Variants in GPC3 observed in about 807,000 individuals in gnomAD.
The protein encoded by GPC3 is glypican 3.
GPC3 carries 3 observed loss-of-function variants against 34.4 expected under a neutral mutation model. The observed-to-expected ratio is 0.09, with a 90% confidence interval of 0.04 to 0.23. The LOEUF is 0.23. GPC3 is among the 10% of genes least tolerant of loss of function. The pLI is 1.00. For synonymous variants in GPC3, 177 were observed against 174.0 expected, an observed-to-expected ratio of 1.02 and a Z score of -0.13; for missense variants, 351 against 445.6, an observed-to-expected ratio of 0.79 and a Z score of 1.91.
At chrX:133,539,451 A>G (rs767252524) in intron 7 of GPC3, among the ~76,000 whole-genome samples, 1 of 112,743 alleles carries the variant, frequency 8.9e-6, no homozygotes, top group African/African-American at 3.2e-5. Flanking sequence ...CACTGTTTGC[A>G]CATAAAATTG....
At chrX:133,623,896 C>T (rs1299421356) in intron 6 of GPC3, among the ~76,000 whole-genome samples, 2 of 111,491 alleles carry the variant, frequency 1.8e-5, no homozygotes, top group Non-Finnish European at 3.8e-5. Context: ...CAAAATTGAC[C>T]ACATAGTTGG....
chrX:133,783,868 C>A (rs945498204), intron 2 of GPC3, among the ~76,000 whole-genome samples: 1 of 111,818 alleles, frequency 8.9e-6, no homozygotes, highest in African/African-American at 3.3e-5. Context: ...AAGGAGAAAA[C>A]CTGATGTTGA....
chrX:133,755,250 C>A (rs1254773939), intron 2 of GPC3, among the ~76,000 whole-genome samples: 1 of 111,998 alleles, frequency 8.9e-6, no homozygotes, highest in Admixed American at 9.5e-5. Context: ...AGGTCCATGA[C>A]AGATGTACTC....
intron 6 of GPC3, among the ~76,000 whole-genome samples, chrX:133,599,456 T>C (rs2069955998): frequency 8.9e-6 from 1 of 111,941 alleles, no homozygotes; most frequent in African/African-American, 3.2e-5. Context: ...AGAGTTGTAC[T>C]TGCCACTGCT....
intron 2 of GPC3, among the ~76,000 whole-genome samples, chrX:133,836,939 C>T (rs908241109): frequency 6.3e-5 from 7 of 111,588 alleles, no homozygotes; most frequent in African/African-American, 2.3e-4. Context: ...TGAGTGACTT[C>T]GTTCTGGAAT....
At chrX:133,715,091 C>T (rs2071302238) in intron 3 of GPC3, among the ~76,000 whole-genome samples, 3 of 112,035 alleles carry the variant, frequency 2.7e-5, no homozygotes, top group Non-Finnish European at 5.6e-5. Flanking sequence ...ACCTCAATCT[C>T]TGTGGGCACC....
intron 5 of GPC3, among the ~76,000 whole-genome samples, chrX:133,686,957 G>A (rs1052934928): frequency 2.8e-5 from 3 of 108,833 alleles, no homozygotes; most frequent in Non-Finnish European, 3.8e-5. Context: ...ATGGACTCTC[G>A]CTTTGTCACC....
intron 2 of GPC3, among the ~76,000 whole-genome samples, chrX:133,813,280 G>A (rs2075673890): frequency 8.9e-6 from 1 of 112,493 alleles, no homozygotes; most frequent in Non-Finnish European, 1.9e-5. Flanking sequence ...TTCTGTTAGG[G>A]CAAAGAATGT....
At chrX:133,694,989 A>ATAT (rs2071101090) in intron 4 of GPC3, among the ~76,000 whole-genome samples, 1 of 111,688 alleles carries the variant, frequency 9.0e-6, no homozygotes, top group African/African-American at 3.3e-5. Context: ...GAATGTGAAT[A>ATAT]TATTAGTCTG....
intron 2 of GPC3, among the ~76,000 whole-genome samples, chrX:133,795,989 A>G (rs1255612231): frequency 2.5e-5 from 2 of 79,677 alleles, no homozygotes; most frequent in East Asian, 7.4e-4. Flanking sequence ...TTTGTCCCCC[A>G]GGCTGGAGTG....
chrX:133,675,224 C>T (rs1405574988), intron 5 of GPC3, among the ~76,000 whole-genome samples: 1 of 111,757 alleles, frequency 8.9e-6, no homozygotes, highest in Non-Finnish European at 1.9e-5. Context: ...CACTGTTTTC[C>T]GTCAGCTCCT....
intron 2 of GPC3, among the ~76,000 whole-genome samples, chrX:133,827,253 G>A (rs2075752022): frequency 8.9e-6 from 1 of 112,103 alleles, no homozygotes; most frequent in Non-Finnish European, 1.9e-5. Flanking sequence ...ATATTAGATA[G>A]TGACTCTAAT....
chrX:133,692,287 T>C, intron 5 of GPC3, 82 bp downstream of exon 5: 2 of 1,003,428 alleles, frequency 2.0e-6, no homozygotes, highest in African/African-American at 1.9e-5. Context: ...TTAATGGAGA[T>C]AGAAGACATA....
At chrX:133,894,771 C>T (rs1052914705) in intron 2 of GPC3, among the ~76,000 whole-genome samples, 4 of 111,836 alleles carry the variant, frequency 3.6e-5, no homozygotes, top group Admixed American at 2.8e-4. Context: ...ACCCAGGAGG[C>T]GGAGGTTGCA....
chrX:133,809,215 T>A, intron 2 of GPC3, among the ~76,000 whole-genome samples: 1 of 112,220 alleles, frequency 8.9e-6, no homozygotes, highest in Non-Finnish European at 1.9e-5. Context: ...ACAGCTATAT[T>A]TATGCAATTT....
intron 1 of GPC3, among the ~76,000 whole-genome samples, chrX:133,983,115 T>C (rs2076548547): frequency 9.0e-6 from 1 of 111,682 alleles, no homozygotes; most frequent in South Asian, 3.8e-4. Flanking sequence ...CCAGGATATA[T>C]AATGGTAGCT....
At position 133,603,450 on chromosome X, in the gene GPC3, C is replaced by T. The variant is rs2070010291; in HGVS notation, c.1414-6851G>A. Among the ~76,000 whole-genome samples the T allele has an allele frequency of 3.6e-5, 4 of 111,542 alleles. No homozygotes were observed. The South Asian group carries it at 1.5e-3, about 42-fold the overall frequency. On this transcript the variant is annotated intron_variant, in intron 6 of 7. Transcript: ENST00000370818. ...AATGTTACTCTGCTTCCCAGAATCC[C>T]ACTGAAACCATCTTTTGACAAGAGC...
At chrX:133,673,701 T>G (rs2070856057) in intron 5 of GPC3, among the ~76,000 whole-genome samples, 1 of 112,017 alleles carries the variant, frequency 8.9e-6, no homozygotes, top group African/African-American at 3.2e-5. Context: ...TGATAAATAG[T>G]GAAACCTTGC....
intron 3 of GPC3, among the ~76,000 whole-genome samples, chrX:133,710,090 A>G (rs1410602358): frequency 8.9e-6 from 1 of 112,091 alleles, no homozygotes; most frequent in African/African-American, 3.2e-5. Flanking sequence ...AATAATCTGT[A>G]ATGTATTATA....
Sources: allele counts gnomAD v4.1 joint callset (sites outside exome capture counted in the v4.1 genomes callset), GRCh38; gene constraint gnomAD v4.1.1; transcripts MANE v1.5; gene names NCBI Gene and HGNC (gene_info 2026-07-23, HGNC 2026-07-21).